Variants in CST1 observed in about 807,000 individuals in gnomAD.
The protein encoded by CST1 is cystatin-SN.
Under a neutral mutation model 10.7 loss-of-function variants are expected in CST1, and 19 were observed. The ratio of observed to expected loss-of-function variants is 1.78; its 90% CI spans 1.24 to 2.61. The LOEUF (loss-of-function observed/expected upper bound fraction) is 2.61. Among genes scored for constraint, CST1 ranks in the 30% most tolerant of loss-of-function variants. CST1 has a pLI of 0.00. For synonymous variants in CST1, 95 were observed against 72.8 expected (o/e 1.31, Z -1.55); for missense variants, 247 against 178.1 (o/e 1.39, Z -2.20).
intron 2 of CST1, among the ~76,000 whole-genome samples, chr20:23,748,714 T>A (rs1982740796): frequency 6.6e-6 from 1 of 151,742 alleles, no homozygotes; most frequent in Non-Finnish European, 1.5e-5. Flanking sequence ...GGACCCCTCA[T>A]CCCCATGGAT....
Position 23,750,824 on chromosome 20 carries a change from G to C in CST1, c.43C>G (p.Leu15Val), listed in dbSNP as rs754507565. 2 of 1,613,918 alleles carry C rather than the reference G, an allele frequency of 1.2e-6. No homozygotes were observed. Among genetic ancestry groups the C allele is most frequent in the Non-Finnish European group, 1.7e-6 (2 of 1,179,906 alleles). The part of the protein sequence containing the change: ...LSTLLLLLAT[L>V]AVALAWSPKE... ...GGGCTCCAGGCCAGGGCCACAGCTA[G>C]GGTGGCCAGCAGGAGCAGCAGGGTA... The change falls in exon 1 of 3, where the codon CTA becomes GTA. Residue 15 changes from leucine to valine, a missense_variant. Leu to Val is a conservative substitution (Grantham distance 32). Coordinates refer to ENST00000304749, the MANE Select transcript of CST1 (RefSeq NM_001898.3).
At position 23,747,565 on chromosome 20, in the gene CST1, G is replaced by C; in HGVS notation, c.*251C>G. The C allele has an allele frequency of 1.8e-6, 1 of 545,606 alleles. No homozygotes were observed. The highest frequency in any genetic ancestry group is 3.3e-6 in the Non-Finnish European group (1 of 305,372). 33.8% of individuals were successfully genotyped at this position (545,606 alleles called of 1,614,324 possible). On this transcript the variant is annotated 3_prime_UTR_variant, in exon 3 of 3. Transcript: ENST00000304749. ...GACAGCCAAGAACTCAGAGGGAGGC[G>C]ATGCTACTGTTTAATTGCAGGAGGT... is the stretch of plus-strand genomic sequence containing the variant.
At chr20:23,750,071 T>A (rs1982787077) in intron 1 of CST1, among the ~76,000 whole-genome samples, 2 of 151,916 alleles carry the variant, frequency 1.3e-5, no homozygotes, top group African/African-American at 2.4e-5. Flanking sequence ...CTCTGCTGGG[T>A]GACCACTGTC....
In CST1 at chr20:23,747,795, C is replaced by T. The variant is rs188356246; in HGVS notation, c.*21G>A. The stretch of plus-strand genomic sequence containing the variant: ...GGGTGGGAGTGGGTGGTGGCTGGTG[C>T]GAATGGCCTGGCACAGATCCCTAGG... On this transcript the variant is annotated 3_prime_UTR_variant, in exon 3 of 3. Transcript: ENST00000304749. 2.0e-4 allele frequency: 328 copies of T among 1,610,710 alleles called. 1 individual carries two copies. Among genetic ancestry groups the T allele is most frequent in the Admixed American group, 6.5e-4 (39 of 59,934 alleles).
chr20:23,750,892 G>T lies in CST1; in HGVS notation c.-26C>A. On this transcript the variant is annotated 5_prime_UTR_variant, in exon 1 of 3. Coordinates refer to ENST00000304749, the MANE Select transcript of CST1 (RefSeq NM_001898.3). ...GGTCTCCTCAGAGGCAGAGCACAAA[G>T]CTGGAGCTGCAGGAGAGGAGGGTGA... The T allele has an allele frequency of 6.4e-7, 1 of 1,571,818 alleles. No individual in the cohort carries two copies. Among genetic ancestry groups the T allele is most frequent in the Non-Finnish European group, 8.7e-7 (1 of 1,154,458 alleles).
At chr20:23,748,409 C>T (rs969143509) in intron 2 of CST1, among the ~76,000 whole-genome samples, 2 of 152,072 alleles carry the variant, frequency 1.3e-5, no homozygotes, top group South Asian at 4.1e-4. Flanking sequence ...GTTGGGTGAG[C>T]CGGGCAGGTC....
intron 2 of CST1, 22 bp downstream of exon 2, chr20:23,748,994 G>T: frequency 1.2e-6 from 2 of 1,613,992 alleles, no homozygotes; most frequent in Non-Finnish European, 1.7e-6. Context: ...TGACTGGCCC[G>T]GGACCTGCAT....
In CST1 at chr20:23,747,813, T is replaced by A. The variant is rs374536512; in HGVS notation, c.*3A>T. ...GCTGGTGCGAATGGCCTGGCACAGA[T>A]CCCTAGGATTCTTGACACCTGGATT... On this transcript the variant is annotated 3_prime_UTR_variant, in exon 3 of 3. Coordinates refer to ENST00000304749, the MANE Select transcript of CST1 (RefSeq NM_001898.3). The A allele has an allele frequency of 1.9e-6, 3 of 1,613,430 alleles. No homozygotes were observed. Among genetic ancestry groups the A allele is most frequent in the African/African-American group, 2.7e-5 (2 of 75,002 alleles).
rs535956961 is a variant in CST1, at chr20:23,750,466, G to A, written c.228+173C>T. Among the ~76,000 whole-genome samples, 33 of 152,342 alleles carry A rather than the reference G, an allele frequency of 2.2e-4. 1 individual carries two copies. The highest frequency in any genetic ancestry group is 5.9e-4 in the Admixed American group (9 of 15,306). On this transcript the variant is annotated intron_variant, in intron 1 of 2. Transcript: ENST00000304749. ...GTTAAAGGAAGCTGAGTTTGTGCAC[G>A]GCCGGGGAGCGTGCTTAGGCATGAA...
intron 1 of CST1, among the ~76,000 whole-genome samples, chr20:23,749,967 A>G (rs760392108): frequency 3.3e-5 from 5 of 150,840 alleles, no homozygotes; most frequent in South Asian, 2.1e-4. Context: ...AGCTCTAAAG[A>G]CTGTGTCACT....
At chr20:23,750,608 C>T in intron 1 of CST1, 31 bp downstream of exon 1, 2 of 1,607,876 alleles carry the variant, frequency 1.2e-6, no homozygotes, top group South Asian at 2.2e-5. Flanking sequence ...AGGCTGGGAC[C>T]CAGGACCCCT....
intron 2 of CST1, among the ~76,000 whole-genome samples, chr20:23,748,598 T>C (rs1238027832): frequency 1.3e-5 from 2 of 152,080 alleles, no homozygotes; most frequent in Admixed American, 1.3e-4. Flanking sequence ...GAATTGACCT[T>C]ATAGTAACCA....
chr20:23,749,291 A>G (rs1170662952), intron 1 of CST1, among the ~76,000 whole-genome samples, 162 bp from the exon 2 acceptor site: 5 of 152,140 alleles, frequency 3.3e-5, no homozygotes, highest in Non-Finnish European at 7.4e-5. Flanking sequence ...CAGGGTGCTG[A>G]GCCTCATACC....
At position 23,750,662 on chromosome 20, in the gene CST1, G is replaced by C. The variant is rs768059525; in HGVS notation, c.205C>G (p.Arg69Gly). The change falls in exon 1 of 3, where the codon CGG (arginine) becomes GGG (glycine). Residue 69 changes from arginine to glycine, a missense_variant. Coordinates refer to ENST00000304749, the MANE Select transcript of CST1 (RefSeq NM_001898.3). ...ACCTGTTGCCTGGCTCTTAGTACCC[G>C]CAGCGGACGTCTGTAGTAGTCATCT... is the stretch of plus-strand genomic sequence containing the variant. ...TKDDYYRRPL[R>G]VLRARQQTVG... is the part of the protein sequence containing the mutation. 1 of 1,613,874 alleles carries C rather than the reference G, an allele frequency of 6.2e-7. No individual in the cohort carries two copies. Among genetic ancestry groups the C allele is most frequent in the East Asian group, 2.2e-5 (1 of 44,858 alleles).
At chr20:23,748,916 C>A in intron 2 of CST1, 100 bp downstream of exon 2, 2 of 825,060 alleles carry the variant, frequency 2.4e-6, no homozygotes, top group Non-Finnish European at 3.7e-6. Flanking sequence ...ACATACCCAC[C>A]TGCACACACA....
rs748978249 is a variant in CST1 at position 23,749,127 on chromosome 20, G to A, written c.231C>T (p.Thr77=). The change falls in exon 2 of 3, where the codon ACC becomes ACT. Residue 77 remains threonine, a splice_region_variant and synonymous_variant. Coordinates refer to ENST00000304749, the MANE Select transcript of CST1 (RefSeq NM_001898.3). ...PLRVLRARQQ[T]VGGVNYFFDV... ...CGAAGAAGTAATTCACCCCCCCAAC[G>A]GTCTGCACACAGGAGAAAACAGGAC... 2.6e-5 allele frequency: 42 copies of A among 1,613,988 alleles called. No individual in the cohort carries two copies. Among genetic ancestry groups the A allele is most frequent in the Non-Finnish European group, 3.2e-5 (38 of 1,180,018 alleles).
Position 23,747,655 on chromosome 20 carries a change from C to G in CST1, c.*161G>C. On this transcript the variant is annotated 3_prime_UTR_variant, in exon 3 of 3. Coordinates refer to ENST00000304749, the MANE Select transcript of CST1 (RefSeq NM_001898.3). ...GAAGGAAGGAGGGAGGGCAGAGCGC[C>G]CTGCTGAGCAACAAAGGACTCCTGC... 1 of 650,476 alleles carries G rather than the reference C, an allele frequency of 1.5e-6. No homozygotes were observed. 40.3% of individuals were successfully genotyped at this position (650,476 alleles called of 1,614,324 possible).
chr20:23,748,907 C>A, intron 2 of CST1, 109 bp downstream of exon 2: 1 of 844,616 alleles, frequency 1.2e-6, no homozygotes, highest in Non-Finnish European at 1.8e-6. Flanking sequence ...CGGCTCCCCA[C>A]ATACCCACCT....
In CST1 at chr20:23,750,831, C is replaced by T. The variant is rs777437512; in HGVS notation, c.36G>A (p.Leu12=). 1.1e-4 allele frequency: 177 copies of T among 1,613,468 alleles called. 1 individual carries two copies. The Middle Eastern group carries it at 2.5e-3, about 23-fold the overall frequency. Residue 12 remains leucine, a synonymous_variant, in exon 1 of 3, where the codon CTG becomes CTA. Transcript: ENST00000304749. ...AGGCCAGGGCCACAGCTAGGGTGGC[C>T]AGCAGGAGCAGCAGGGTACTCAGAT... ...AQYLSTLLLL[L]ATLAVALAWS... is the part of the protein sequence containing the mutation.
Sources: gnomAD v4.1 joint callset for allele counts (sites outside exome capture counted in the v4.1 genomes callset) on GRCh38, gnomAD v4.1.1 for gene constraint, MANE v1.5 for transcripts, NCBI Gene and HGNC (gene_info 2026-07-23, HGNC 2026-07-21) for gene names.